Variants in GMFG observed in about 807,000 individuals in gnomAD.
GMFG encodes the protein glia maturation factor gamma.
In GMFG, 21 loss-of-function variants were observed where a neutral mutation model predicts 26.1. The observed-to-expected ratio is 0.80, with a 90% CI of 0.57 to 1.16. The LOEUF (loss-of-function observed/expected upper bound fraction) is 1.16, where lower values mean the gene tolerates loss of function less well. Among genes scored for constraint, GMFG ranks in the 50% most tolerant of loss-of-function variants. The probability of loss-of-function intolerance (pLI) is 0.00; values close to 1 mark genes in which losing one functional copy is unlikely to be tolerated. For synonymous variants in GMFG, 65 were observed against 60.8 expected (o/e 1.07, Z -0.32); for missense variants, 161 against 178.3 (o/e 0.90, Z 0.55).
chr19:39,335,177 C>T, intron 3 of GMFG, 84 bp downstream of exon 3: 1 of 1,082,800 alleles, frequency 9.2e-7, no homozygotes, highest in Non-Finnish European at 1.3e-6. Flanking sequence ...TACCCCCATG[C>T]CAGGCTCTTC....
Position 39,335,368 on chromosome 19 carries a change from G to C in GMFG, c.101-58C>G. The C allele has an allele frequency of 3.1e-6, 5 of 1,590,152 alleles. No homozygotes were observed. The South Asian group carries it at 5.5e-5, about 18-fold the overall frequency. On this transcript the variant is annotated intron_variant, in intron 2 of 6. Transcript: ENST00000597595. ...TCCCCCTGATCCATGGGGGACACAA[G>C]CCCAGCCCTCCCTATCTGCCCTCAC...
Position 39,333,094 on chromosome 19 carries a change from C to T in GMFG, c.183G>A (p.Leu61=). 1 of 1,597,364 alleles carries T rather than the reference C, an allele frequency of 6.3e-7. No individual in the cohort carries two copies. The highest frequency in any genetic ancestry group is 1.1e-5 in the South Asian group (1 of 90,666). ...NISPEELKME[L]PERQPRFVVY... Reference sequence around the variant, plus strand: ...CAGGATACCTGGGCTGTCTCTCCGGCAACTCCATTTTGAGCTCCTCTGGGG... The same window carrying T: ...CAGGATACCTGGGCTGTCTCTCCGGTAACTCCATTTTGAGCTCCTCTGGGG... The change falls in exon 4 of 7, where the codon TTG becomes TTA. Residue 61 remains leucine (L), a synonymous_variant. Transcript: ENST00000597595.
In GMFG at chr19:39,329,605, C is replaced by G; in HGVS notation, c.222G>C (p.Lys74Asn). ...ACACTCGGCCATCGTCATGCACGTA[C>G]TTGTAGCTGTAAACCACGAACCTAC... ...RQPRFVVYSY[K>N]YVHDDGRVSY... is the part of the protein sequence containing the mutation. The change falls in exon 5 of 7, where the codon AAG (lysine) becomes AAC (asparagine). Residue 74 changes from lysine (K) to asparagine (N), a missense_variant. By Grantham distance (94) the Lys-to-Asn change is moderately conservative. Transcript: ENST00000597595. 1 of 1,610,502 alleles carries G rather than the reference C, an allele frequency of 6.2e-7. No individual in the cohort carries two copies. Among genetic ancestry groups the G allele is most frequent in the Non-Finnish European group, 8.5e-7 (1 of 1,176,726 alleles).
chr19:39,333,261 CAG>C, intron 3 of GMFG, 135 bp from the exon 4 acceptor site: 1 of 436,520 alleles, frequency 2.3e-6, no homozygotes, highest in Non-Finnish European at 4.2e-6. Flanking sequence ...TCCTGGCTAA[CAG>C]GGTGAAACCC....
chr19:39,334,266 T>C (rs2145057406), intron 3 of GMFG, among the ~76,000 whole-genome samples: 1 of 152,214 alleles, frequency 6.6e-6, no homozygotes, highest in South Asian at 2.1e-4. Context: ...TCCGCCCGCC[T>C]CAGCCTCCCA....
At position 39,328,879 on chromosome 19, in the gene GMFG, T is replaced by TAA. The variant is rs139805164; in HGVS notation, c.357+119_357+120dup. The stretch of plus-strand genomic sequence containing the variant: ...GATGACAGAGCGAGACCCAGTTCTT[T>TAA]AAAAAAACAAAAACAAAAACAAAAA... On this transcript the variant is annotated intron_variant, in intron 6 of 6. Transcript: ENST00000597595. 2,374 of 780,438 alleles carry TAA rather than the reference T, an allele frequency of 3.0e-3. 1 individual carries two copies. Among genetic ancestry groups the TAA allele is most frequent in the African/African-American group, 0.011 (604 of 55,120 alleles). The allele number at this position is 780,438 out of a possible 1,614,324, so 48.3% of individuals were successfully genotyped here.
rs1031619129 is a variant in GMFG at position 39,328,618 on chromosome 19, A to C, written c.358-70T>G. 5 of 1,166,752 alleles carry C rather than the reference A, an allele frequency of 4.3e-6. No individual in the cohort carries two copies. The African/African-American group carries it at 6.0e-5, about 14-fold the overall frequency. 72.3% of individuals were successfully genotyped at this position (1,166,752 alleles called of 1,614,324 possible). A position where few individuals can be genotyped will look rare whatever the true frequency, so the allele number is the denominator to read the frequency against. ...AGACAGTGGCTGGGCACGGTGGCTC[A>C]CCTGTAAGAGAGCACTTTGGGAGGC... On this transcript the variant is annotated intron_variant, in intron 6 of 6. Transcript: ENST00000597595.
intron 1 of GMFG, 36 bp downstream of exon 1, chr19:39,335,938 G>A: frequency 1.5e-6 from 2 of 1,298,412 alleles, no homozygotes; most frequent in Non-Finnish European, 2.2e-6. Context: ...CCCAACCCCA[G>A]CCCCAGCTCT....
rs1229139019 is a variant in GMFG at position 39,333,131 on chromosome 19, G to A, written c.151-5C>T. On this transcript the variant is annotated splice_region_variant and splice_polypyrimidine_tract_variant and intron_variant, in intron 3 of 6. Transcript: ENST00000597595. ...GAGCTCCTCTGGGGAAATGTTCTGA[G>A]GCAAGAAAACAGAAGAAAAGACAAA... is the stretch of plus-strand genomic sequence containing the variant. 4.4e-6 allele frequency: 7 copies of A among 1,578,098 alleles called. No individual in the cohort carries two copies. The highest frequency in any genetic ancestry group is 6.1e-6 in the Non-Finnish European group (7 of 1,155,800).
Position 39,335,248 on chromosome 19 carries a change from C to A in GMFG, c.150+13G>T. ...CCCTGTACCTCCCAGTCCCAATCAC[C>A]CCAGCCCATCACCTGAAATTCTTCC... On this transcript the variant is annotated intron_variant, in intron 3 of 6. Coordinates refer to ENST00000597595, the MANE Select transcript of GMFG (RefSeq NM_004877.4). The A allele has an allele frequency of 6.4e-7, 1 of 1,553,888 alleles. No individual in the cohort carries two copies. Among genetic ancestry groups the A allele is most frequent in the Non-Finnish European group, 8.7e-7 (1 of 1,148,480 alleles).
At chr19:39,331,316 G>T (rs1474772895) in intron 4 of GMFG, among the ~76,000 whole-genome samples, 1 of 152,190 alleles carries the variant, frequency 6.6e-6, no homozygotes, top group Non-Finnish European at 1.5e-5. Context: ...GAAGTCCATT[G>T]TCCCATCTGA....
At chr19:39,328,771 G>C in intron 6 of GMFG, 1 of 610,604 alleles carries the variant, frequency 1.6e-6, no homozygotes, top group South Asian at 1.9e-5. Flanking sequence ...CCCACTACTT[G>C]GGAGGCTGAG....
chr19:39,336,028 C>A lies in GMFG; in HGVS notation c.-52G>T. The A allele has an allele frequency of 6.5e-7, 1 of 1,537,986 alleles. No homozygotes were observed. Among genetic ancestry groups the A allele is most frequent in the African/African-American group, 1.4e-5 (1 of 73,490 alleles). ...TTTCTTAGTTCCGCTGTCTTCTAGG[C>A]GTGGGGACCGGGGCTGTAGGGGGGC... On this transcript the variant is annotated 5_prime_UTR_variant, in exon 1 of 7. Transcript: ENST00000597595.
rs184550329 is a variant in GMFG at position 39,335,609 on chromosome 19, A to G, written c.4-78T>C. The G allele has an allele frequency of 1.8e-3, 1,773 of 965,050 alleles. 34 individuals are homozygous for G. The Admixed American group carries it at 0.028, about 15-fold the overall frequency. 59.8% of individuals were successfully genotyped at this position (965,050 alleles called of 1,614,324 possible). ...CTTCCCCAAACCTGTTTCTCCATCC[A>G]CTAATGAAGAGGAGCATCGCGCCGG... On this transcript the variant is annotated intron_variant, in intron 1 of 6. Transcript: ENST00000597595.
chr19:39,333,876 C>T (rs1229097868), intron 3 of GMFG, among the ~76,000 whole-genome samples: 1 of 152,116 alleles, frequency 6.6e-6, no homozygotes. Flanking sequence ...CCCCAGCCCC[C>T]AGTCTCCATG....
At chr19:39,330,015 G>A (rs1047689347) in intron 4 of GMFG, among the ~76,000 whole-genome samples, 1 of 152,146 alleles carries the variant, frequency 6.6e-6, no homozygotes, top group Non-Finnish European at 1.5e-5. Context: ...GGAGGCAGAG[G>A]TTGCAGTGAG....
chr19:39,329,944 T>C (rs1164765566), intron 4 of GMFG, among the ~76,000 whole-genome samples: 1 of 151,680 alleles, frequency 6.6e-6, no homozygotes, highest in East Asian at 1.9e-4. Context: ...CCTGGAGTAG[T>C]GGTGGGCGCC....
intron 5 of GMFG, 59 bp from the exon 6 acceptor site, chr19:39,329,132 T>C (rs2075215921): frequency 1.7e-6 from 2 of 1,191,060 alleles, no homozygotes; most frequent in South Asian, 1.2e-5. Context: ...TCTCTAAAGC[T>C]CTAGTAATGT....
At chr19:39,335,885 TC>T (rs2075247881) in intron 1 of GMFG, 88 bp downstream of exon 1, 1 of 903,552 alleles carries the variant, frequency 1.1e-6, no homozygotes, top group East Asian at 2.5e-5. Context: ...GTGACCTCCA[TC>T]CCATAGCCTG....
Sources: allele counts gnomAD v4.1 joint callset (sites outside exome capture counted in the v4.1 genomes callset), GRCh38; gene constraint gnomAD v4.1.1; transcripts MANE v1.5; gene names NCBI Gene and HGNC (gene_info 2026-07-23, HGNC 2026-07-21).